Variants in IQSEC3 observed in about 807,000 individuals in gnomAD.
The protein encoded by IQSEC3 is IQ motif and SEC7 domain-containing protein 3.
A neutral mutation model predicts 105.4 loss-of-function variants in IQSEC3; 50 were observed. That is an observed-to-expected ratio of 0.47 (90% CI 0.38 to 0.60). The LOEUF is 0.60. Ranked by LOEUF, IQSEC3 falls within the 20% of genes least tolerant of loss-of-function variation. The pLI is 0.00. For synonymous variants in IQSEC3, 708 were observed against 746.0 expected, an observed-to-expected ratio of 0.95 and a Z score of 0.83; for missense variants, 1,415 against 1,630.0, an observed-to-expected ratio of 0.87 and a Z score of 2.27.
intron 3 of IQSEC3, among the ~76,000 whole-genome samples, chr12:126,115 T>A (rs1396873359): frequency 2.0e-5 from 3 of 152,220 alleles, no homozygotes; most frequent in Admixed American, 6.5e-5. Context: ...GCAGGGCTCA[T>A]ACCCTCGCAA....
At chr12:141,341 G>A in intron 5 of IQSEC3, 56 bp downstream of exon 5, 1 of 1,562,878 alleles carries the variant, frequency 6.4e-7, no homozygotes, top group South Asian at 1.1e-5. Context: ...CACCTGCCCG[G>A]GCTCTCTCTG....
At chr12:101,717 C>T (rs1280214054) in intron 2 of IQSEC3, among the ~76,000 whole-genome samples, 2 of 152,174 alleles carry the variant, frequency 1.3e-5, no homozygotes, top group Non-Finnish European at 2.9e-5. Flanking sequence ...GTCTGTCTGT[C>T]TGTCTGATGT....
At chr12:126,484 T>C (rs1865414257) in intron 3 of IQSEC3, among the ~76,000 whole-genome samples, 1 of 151,482 alleles carries the variant, frequency 6.6e-6, no homozygotes, top group East Asian at 1.9e-4. Flanking sequence ...GGGGCCCCCA[T>C]TGAACCCCCA....
chr12:138,786 C>G lies in IQSEC3; in HGVS notation c.1423C>G (p.Pro475Ala). Residue 475 changes from proline to alanine, a missense_variant, in exon 4 of 14, where the codon CCG (proline) becomes GCG (alanine). Physicochemically the swap from Pro to Ala is conservative, Grantham distance 27. Around this residue, in one of 6 missense-constraint regions of IQSEC3, gnomAD observed 720 missense variants for 633.0 expected, o/e 1.14. Coordinates refer to ENST00000538872, the MANE Select transcript of IQSEC3 (RefSeq NM_001170738.2). The surrounding 1 kb of genome is among the most constrained non-coding windows in gnomAD (Gnocchi z 7.1). Reference protein sequence around the residue: ...DDAAETPGLPPAHSGTLMMAF... With the variant: ...DDAAETPGLPAAHSGTLMMAF... ...CGCCGCGGAGACCCCCGGCCTGCCC[C>G]CGGCCCACAGCGGGACCCTCATGAT... 1.2e-6 allele frequency: 2 copies of G among 1,602,400 alleles called. No homozygotes were observed. Among genetic ancestry groups the G allele is most frequent in the Non-Finnish European group, 1.7e-6 (2 of 1,177,116 alleles).
In IQSEC3 at chr12:171,135, G is replaced by A. The variant is rs1256892961; in HGVS notation, c.3088G>A (p.Glu1030Lys). Reference protein sequence around the residue: ...PTAKREAALRERPAESTVEVS... With the variant: ...PTAKREAALRKRPAESTVEVS... ...AGCCAAAAGGGAAGCCGCGCTCAGGGAGAGGCCGGCGGAGAGCACGGTGGA... is the reference window on the plus strand; with the variant it reads ...AGCCAAAAGGGAAGCCGCGCTCAGGAAGAGGCCGGCGGAGAGCACGGTGGA... Residue 1030 changes from glutamate to lysine, a missense_variant, in exon 13 of 14, where the codon GAG (glutamate) becomes AAG (lysine). By Grantham distance (56) the Glu-to-Lys change is moderately conservative. Coordinates refer to ENST00000538872, the MANE Select transcript of IQSEC3 (RefSeq NM_001170738.2). The A allele has an allele frequency of 6.2e-7, 1 of 1,614,116 alleles. No homozygotes were observed. Among genetic ancestry groups the A allele is most frequent in the South Asian group, 1.1e-5 (1 of 91,084 alleles).
Position 175,179 on chromosome 12 carries a change from C to G in IQSEC3, c.*146C>G. On this transcript the variant is annotated 3_prime_UTR_variant, in exon 14 of 14. Transcript: ENST00000538872. ...GGAAGAGAATCCCAATCCCTGGCAC[C>G]TGGGTTTGCCTCATCCAACCATCCT... 1 of 665,718 alleles carries G rather than the reference C, an allele frequency of 1.5e-6. No individual in the cohort carries two copies. 41.2% of individuals were successfully genotyped at this position (665,718 alleles called of 1,614,324 possible). A position where few individuals can be genotyped will look rare whatever the true frequency, so the allele number is the denominator to read the frequency against.
chr12:86,853 C>T (rs1285798453), intron 1 of IQSEC3, among the ~76,000 whole-genome samples: 1 of 152,006 alleles, frequency 6.6e-6, no homozygotes, highest in Non-Finnish European at 1.5e-5. Context: ...TGATTCCACA[C>T]CCATCTTTTG....
chr12:172,868 TG>T (rs1382282770), intron 13 of IQSEC3, among the ~76,000 whole-genome samples: 2 of 151,902 alleles, frequency 1.3e-5, no homozygotes, highest in African/African-American at 4.8e-5. Flanking sequence ...AGGGATGCAG[TG>T]GGGGGACCAG....
chr12:70,621 C>T (rs1242104425), intron 1 of IQSEC3, among the ~76,000 whole-genome samples: 5 of 152,368 alleles, frequency 3.3e-5, no homozygotes, highest in Admixed American at 2.6e-4. Flanking sequence ...GGTGCCAGAA[C>T]CTCAACTTGA....
intron 3 of IQSEC3, among the ~76,000 whole-genome samples, chr12:130,291 G>A (rs569860984): frequency 1.3e-5 from 2 of 152,354 alleles, no homozygotes; most frequent in African/African-American, 2.4e-5. Flanking sequence ...CGGTTGCCAT[G>A]TGTTATCTCC....
rs369085433 is a variant in IQSEC3, at chr12:104,752, G to A, written c.623+5538G>A. Among the ~76,000 whole-genome samples the A allele has an allele frequency of 1.7e-3, 252 of 152,362 alleles. 1 individual carries two copies. In the South Asian group the frequency reaches 0.022, roughly 14 times the overall value. The stretch of plus-strand genomic sequence containing the variant: ...GCCACGCGGGGTACCCTGGAGGACG[G>A]GGCGCGCTTCCGAGAACGGCTGCGG... On this transcript the variant is annotated intron_variant, in intron 2 of 13. Transcript: ENST00000538872.
At chr12:127,587 C>T (rs1234064420) in intron 3 of IQSEC3, among the ~76,000 whole-genome samples, 2 of 151,766 alleles carry the variant, frequency 1.3e-5, no homozygotes, top group African/African-American at 2.4e-5. Context: ...AAAAAAAAGT[C>T]GGATGAAATG....
intron 1 of IQSEC3, among the ~76,000 whole-genome samples, chr12:82,890 C>G (rs1309407370): frequency 1.3e-5 from 2 of 152,152 alleles, no homozygotes; most frequent in African/African-American, 4.8e-5. Context: ...GAAGTTTTTT[C>G]CAAATCCACG....
chr12:139,453 T>C, intron 4 of IQSEC3, 99 bp downstream of exon 4: 1 of 1,012,060 alleles, frequency 9.9e-7, no homozygotes, highest in Admixed American at 2.9e-5. Flanking sequence ...GCCAGGTAAC[T>C]TCCCACGTCA....
chr12:125,955 G>A (rs781929727), intron 3 of IQSEC3, 43 bp downstream of exon 3: 77 of 1,511,376 alleles, frequency 5.1e-5, no homozygotes, highest in Admixed American at 8.1e-5. Flanking sequence ...TGGTGAAGGG[G>A]CCCTGCTTTG....
intron 2 of IQSEC3, among the ~76,000 whole-genome samples, chr12:104,758 G>A (rs907534439): frequency 6.6e-5 from 10 of 152,240 alleles, no homozygotes; most frequent in Admixed American, 2.0e-4. Flanking sequence ...GACGGGGCGC[G>A]CTTCCGAGAA....
chr12:122,200 G>C (rs1333858089), intron 2 of IQSEC3, among the ~76,000 whole-genome samples: 1 of 152,212 alleles, frequency 6.6e-6, no homozygotes, highest in African/African-American at 2.4e-5. Context: ...GGGTCCACCA[G>C]CCAGAGAGCC....
Position 139,157 on chromosome 12 carries a change from C to CAGA in IQSEC3, c.1796_1797insAAG (p.Ser598_Ser599insArg). ...AGGCAGGCGACTTGGAGCAGCTGAG[C>CAGA]AGCAGCAGCACGTCCACCAAGTCCG... On this transcript the variant is annotated inframe_insertion, in exon 4 of 14. Transcript: ENST00000538872. 1.3e-6 allele frequency: 2 copies of CAGA among 1,556,684 alleles called. No homozygotes were observed. Among genetic ancestry groups the CAGA allele is most frequent in the South Asian group, 2.4e-5 (2 of 84,542 alleles).
At chr12:100,727 C>G (rs539184782) in intron 2 of IQSEC3, among the ~76,000 whole-genome samples, 1 of 152,238 alleles carries the variant, frequency 6.6e-6, no homozygotes, top group African/African-American at 2.4e-5. Flanking sequence ...CAACTTGGAC[C>G]CTTGAGAAGT....
Sources: gnomAD v4.1 joint callset for allele counts (sites outside exome capture counted in the v4.1 genomes callset) on GRCh38, gnomAD v4.1.1 for gene constraint, gnomAD v4.1.1 regional missense constraint, Gnocchi (gnomAD v3.1) non-coding constraint, MANE v1.5 for transcripts, NCBI Gene and HGNC (gene_info 2026-07-23, HGNC 2026-07-21) for gene names.